The following MSRA variants were observed in gnomAD, a reference collection of about 807,000 sequenced individuals.
The protein encoded by MSRA is mitochondrial peptide methionine sulfoxide reductase.
A neutral mutation model predicts 31.3 loss-of-function variants in MSRA; 54 were observed. The observed-to-expected ratio is 1.73, with a 90% CI of 1.39 to 2.17. The LOEUF is 2.17. MSRA is among the 30% of genes most tolerant of loss of function. The pLI is 0.00. For synonymous variants in MSRA, 169 were observed against 116.5 expected (o/e 1.45, Z -2.90); for missense variants, 507 against 300.9 (o/e 1.69, Z -5.07).
intron 5 of MSRA, among the ~76,000 whole-genome samples, chr8:10,390,655 G>A (rs1045807803): frequency 2.6e-5 from 4 of 152,148 alleles, no homozygotes; most frequent in Middle Eastern, 3.2e-3. Flanking sequence ...AAGAGACTTT[G>A]CACTGGCCTG....
intron 5 of MSRA, among the ~76,000 whole-genome samples, chr8:10,367,802 A>G (rs1262512612): frequency 2.0e-5 from 3 of 152,198 alleles, no homozygotes; most frequent in Admixed American, 1.3e-4. Context: ...CCCACAGCAC[A>G]TCTGGAAGAG....
chr8:10,339,695 C>T (rs540909113), intron 5 of MSRA, among the ~76,000 whole-genome samples: 1 of 152,012 alleles, frequency 6.6e-6, no homozygotes, highest in South Asian at 2.1e-4. Flanking sequence ...GTGCCTGCCA[C>T]CACGCCCGGC....
At chr8:10,203,824 G>A (rs1360273104) in intron 1 of MSRA, among the ~76,000 whole-genome samples, 3 of 152,202 alleles carry the variant, frequency 2.0e-5, no homozygotes, top group African/African-American at 7.2e-5. Flanking sequence ...AGCTCCAAGC[G>A]TGTTATTGCC....
At chr8:10,198,063 C>A (rs1808154665) in intron 1 of MSRA, among the ~76,000 whole-genome samples, 1 of 152,018 alleles carries the variant, frequency 6.6e-6, no homozygotes, top group Non-Finnish European at 1.5e-5. Context: ...TTTACAACTT[C>A]CAAAATATAC....
intron 3 of MSRA, among the ~76,000 whole-genome samples, chr8:10,289,905 A>G (rs531661019): frequency 1.5e-4 from 23 of 152,336 alleles, no homozygotes; most frequent in African/African-American, 5.5e-4. Context: ...ATGGTTGATC[A>G]TTATTAGTAT....
chr8:10,319,256 C>T (rs148965381), intron 4 of MSRA, among the ~76,000 whole-genome samples: 1 of 152,182 alleles, frequency 6.6e-6, no homozygotes, highest in Non-Finnish European at 1.5e-5. Context: ...TACAGGGGAT[C>T]TGTGGCAACC....
intron 1 of MSRA, among the ~76,000 whole-genome samples, chr8:10,069,108 T>C (rs1335336685): frequency 6.6e-6 from 1 of 152,256 alleles, no homozygotes; most frequent in Non-Finnish European, 1.5e-5. Context: ...TAATTGACTT[T>C]CGTATATTAA....
chr8:10,343,369 G>A (rs1803564938), intron 5 of MSRA, among the ~76,000 whole-genome samples: 1 of 152,232 alleles, frequency 6.6e-6, no homozygotes, highest in African/African-American at 2.4e-5. Context: ...AGTGATCAGT[G>A]TTTTCAGGGT....
chr8:10,378,777 C>A (rs1405475338), intron 5 of MSRA, among the ~76,000 whole-genome samples: 1 of 152,184 alleles, frequency 6.6e-6, no homozygotes, highest in African/African-American at 2.4e-5. Flanking sequence ...GGGGTGAGGC[C>A]CAGTAATTCA....
At chr8:10,279,890 T>G (rs1480818659) in intron 3 of MSRA, among the ~76,000 whole-genome samples, 1 of 152,206 alleles carries the variant, frequency 6.6e-6, no homozygotes, top group East Asian at 1.9e-4. Context: ...TATGACTCAG[T>G]GTGCATTAAA....
chr8:10,381,429 T>C (rs1418988583), intron 5 of MSRA, among the ~76,000 whole-genome samples: 1 of 152,074 alleles, frequency 6.6e-6, no homozygotes, highest in Non-Finnish European at 1.5e-5. Context: ...AAGAGCAGAA[T>C]CCCCAGAACA....
At chr8:10,079,168 C>A (rs952500618) in intron 1 of MSRA, among the ~76,000 whole-genome samples, 5 of 151,106 alleles carry the variant, frequency 3.3e-5, no homozygotes, top group Non-Finnish European at 5.9e-5. Flanking sequence ...GTACTTTTTT[C>A]TTTTTTTTTA....
At position 10,207,823 on chromosome 8, in the gene MSRA, T is replaced by A. The variant is rs1346078826; in HGVS notation, c.143-10T>A. 6.2e-7 allele frequency: 1 copy of A among 1,604,810 alleles called. No individual in the cohort carries two copies. The highest frequency in any genetic ancestry group is 8.5e-7 in the Non-Finnish European group (1 of 1,177,024). ...CACTTAAACTTGCATTTCTTTTTTT[T>A]TTTTTCTAGCCAAACATCATGTCAA... On this transcript the variant is annotated splice_polypyrimidine_tract_variant and intron_variant, in intron 1 of 5. Transcript: ENST00000317173.
At chr8:10,220,268 C>T (rs1810375893) in intron 2 of MSRA, among the ~76,000 whole-genome samples, 1 of 152,198 alleles carries the variant, frequency 6.6e-6, no homozygotes, top group African/African-American at 2.4e-5. Context: ...GCTCACTGAC[C>T]TTGGGAGCAA....
chr8:10,352,775 G>A (rs1034608595), intron 5 of MSRA, among the ~76,000 whole-genome samples: 1 of 152,152 alleles, frequency 6.6e-6, no homozygotes, highest in African/African-American at 2.4e-5. Context: ...AATCAAACGT[G>A]CATCAAACTC....
intron 1 of MSRA, among the ~76,000 whole-genome samples, chr8:10,094,571 G>C (rs564911887): frequency 6.6e-6 from 1 of 152,316 alleles, no homozygotes; most frequent in African/African-American, 2.4e-5. Context: ...TTGAGACCTT[G>C]AGTTATCTAA....
rs142951451 is a variant in MSRA, at chr8:10,219,538, G to A, written c.211+11637G>A. ...CCATGAATGAAATTTGGCTGGGTGC[G>A]GTGGCTCACACCTGTAATCCCAGCA... On this transcript the variant is annotated intron_variant, in intron 2 of 5. Coordinates refer to ENST00000317173, the MANE Select transcript of MSRA (RefSeq NM_012331.5). 1.0e-2 allele frequency among the ~76,000 whole-genome samples: 1,520 copies of A among 152,040 alleles called. 29 individuals carry two copies. The highest frequency in any genetic ancestry group is 0.035 in the African/African-American group (1,458 of 41,472).
At chr8:10,099,690 T>G (rs183173754) in intron 1 of MSRA, among the ~76,000 whole-genome samples, 37 of 152,344 alleles carry the variant, frequency 2.4e-4, no homozygotes, top group African/African-American at 8.9e-4. Flanking sequence ...GTTTCTCTGT[T>G]GCTGGCTATG....
intron 5 of MSRA, among the ~76,000 whole-genome samples, chr8:10,421,965 A>T (rs2129195850): frequency 1.3e-5 from 2 of 152,262 alleles, no homozygotes; most frequent in South Asian, 4.2e-4. Flanking sequence ...TGGGAAATGG[A>T]GCCAGTACTC....
Sources: allele counts gnomAD v4.1 joint callset (sites outside exome capture counted in the v4.1 genomes callset), GRCh38; gene constraint gnomAD v4.1.1; transcripts MANE v1.5; gene names NCBI Gene and HGNC (gene_info 2026-07-23, HGNC 2026-07-21).